The following RGS6 variants were observed in gnomAD, a reference collection of about 807,000 sequenced individuals.
RGS6 encodes regulator of G protein signaling 6, also known as regulator of G-protein signaling 6.
Under a neutral mutation model 78.5 loss-of-function variants are expected in RGS6, and 30 were observed. That is an observed-to-expected ratio of 0.38 (90% confidence interval 0.29 to 0.52). The LOEUF (loss-of-function observed/expected upper bound fraction) is 0.52. Among genes scored for constraint, RGS6 ranks in the 20% least tolerant of loss-of-function variants. RGS6 has a pLI of 0.85. For synonymous variants in RGS6, 206 were observed against 206.0 expected (o/e 1.00, Z 0.00); for missense variants, 495 against 609.7 (o/e 0.81, Z 1.98).
intron 2 of RGS6, among the ~76,000 whole-genome samples, chr14:72,016,844 T>C (rs1003098409): frequency 1.3e-5 from 2 of 152,240 alleles, no homozygotes; most frequent in Non-Finnish European, 1.5e-5. Context: ...TATTGGGCTT[T>C]TGTTGGAATT....
intron 2 of RGS6, among the ~76,000 whole-genome samples, chr14:72,289,541 A>G (rs939296684): frequency 3.9e-5 from 6 of 152,142 alleles, no homozygotes; most frequent in Admixed American, 2.0e-4. Context: ...TCCTCAGGAC[A>G]TTATTGTTGA....
At chr14:72,626,253 C>T in the RGS6 span, among the ~76,000 whole-genome samples, 34 of 152,202 alleles carry the variant, frequency 2.2e-4, no homozygotes, top group African/African-American at 7.2e-4. Flanking sequence ...TGTTGTTTCT[C>T]CCTTATCCCT....
the RGS6 span, among the ~76,000 whole-genome samples, chr14:72,625,482 T>C: frequency 6.6e-6 from 1 of 152,198 alleles, no homozygotes; most frequent in Non-Finnish European, 1.5e-5. Context: ...TCCAGGCTTA[T>C]CTGGCATATT....
chr14:72,188,311 G>C (rs1388336065), intron 2 of RGS6, among the ~76,000 whole-genome samples: 2 of 152,004 alleles, frequency 1.3e-5, no homozygotes, highest in Non-Finnish European at 2.9e-5. Flanking sequence ...CAGACACCTA[G>C]CCCTGTATCT....
At chr14:72,619,778 T>C in the RGS6 span, 1 of 948,182 alleles carries the variant, frequency 1.1e-6, no homozygotes, top group African/African-American at 1.7e-5. Context: ...TTGTGATGAT[T>C]AAATGAGACA....
intron 2 of RGS6, among the ~76,000 whole-genome samples, chr14:72,163,998 G>A (rs1416683376): frequency 6.6e-6 from 1 of 152,018 alleles, no homozygotes; most frequent in East Asian, 1.9e-4. Flanking sequence ...GCAAGAGGAA[G>A]GTATGCAAAG....
chr14:71,867,576 G>A, the RGS6 span, among the ~76,000 whole-genome samples: 1 of 152,144 alleles, frequency 6.6e-6, no homozygotes, highest in East Asian at 1.9e-4. Context: ...GGAAGGAGCT[G>A]GGCCTGGAGA....
At chr14:72,008,308 C>CAG (rs1184213694) in intron 2 of RGS6, among the ~76,000 whole-genome samples, 1 of 152,118 alleles carries the variant, frequency 6.6e-6, no homozygotes, top group Non-Finnish European at 1.5e-5. Flanking sequence ...TGTTGTATGT[C>CAG]AGAGACTACA....
intron 2 of RGS6, among the ~76,000 whole-genome samples, chr14:72,070,375 TCTAAGAG>T (rs1351288028): frequency 6.6e-6 from 1 of 152,230 alleles, no homozygotes; most frequent in Non-Finnish European, 1.5e-5. Context: ...GTTTTGGGAC[TCTAAGAG>T]CTGTATGAAC....
intron 3 of RGS6, among the ~76,000 whole-genome samples, chr14:72,395,401 C>A (rs2152966949): frequency 6.6e-6 from 1 of 152,172 alleles, no homozygotes; most frequent in South Asian, 2.1e-4. Context: ...AAAATGGAAT[C>A]ATACTCTAAT....
intron 2 of RGS6, among the ~76,000 whole-genome samples, chr14:72,198,046 C>T (rs1056971863): frequency 6.6e-6 from 1 of 152,070 alleles, no homozygotes; most frequent in Non-Finnish European, 1.5e-5. Context: ...AGAATAAGTA[C>T]TTGTTGTGTT....
chr14:72,394,638 T>C (rs1328469193), intron 3 of RGS6, among the ~76,000 whole-genome samples: 1 of 152,260 alleles, frequency 6.6e-6, no homozygotes, highest in Non-Finnish European at 1.5e-5. Context: ...CCAGACCTAA[T>C]GGTTATCTCC....
rs559862504 is a variant in RGS6, at chr14:72,529,725, G to A, written c.1279-6461G>A. On this transcript the variant is annotated intron_variant, in intron 15 of 17. Transcript: ENST00000553525. ...TACACAGATCTTTCCACTTTGATGAGGATCTTTCTGGTTGAGAGACCACCA... is the reference window on the plus strand; with the variant it reads ...TACACAGATCTTTCCACTTTGATGAAGATCTTTCTGGTTGAGAGACCACCA... Among the ~76,000 whole-genome samples, 13 of 152,284 alleles carry A rather than the reference G, an allele frequency of 8.5e-5. 1 individual carries two copies. In the South Asian group the frequency reaches 2.7e-3, roughly 32 times the overall value.
intron 2 of RGS6, among the ~76,000 whole-genome samples, chr14:72,067,741 A>G (rs1291538845): frequency 6.6e-6 from 1 of 152,226 alleles, no homozygotes; most frequent in Non-Finnish European, 1.5e-5. Flanking sequence ...GCGTACAGCT[A>G]GCTTGTAGGT....
intron 10 of RGS6, among the ~76,000 whole-genome samples, chr14:72,475,436 T>C (rs10135689): frequency 0.01 from 1,584 of 152,134 alleles, 28 homozygotes; most frequent in African/African-American, 0.037. Context: ...GTAATATTAA[T>C]TTCCAAAGAG....
chr14:72,458,907 A>C (rs1309211869), intron 5 of RGS6, among the ~76,000 whole-genome samples: 2 of 152,182 alleles, frequency 1.3e-5, no homozygotes, highest in Non-Finnish European at 2.9e-5. Flanking sequence ...CAACATGTGA[A>C]TTTGAGGAGG....
chr14:72,342,801 C>A (rs2239237), intron 2 of RGS6, among the ~76,000 whole-genome samples: 13,893 of 146,240 alleles, frequency 0.095, 915 homozygotes, highest in East Asian at 0.33. Flanking sequence ...CCAGAGAGAT[C>A]AAAAAAAATG....
intron 1 of RGS6, among the ~76,000 whole-genome samples, chr14:71,950,307 A>G (rs977602570): frequency 4.6e-5 from 7 of 152,160 alleles, no homozygotes; most frequent in Admixed American, 6.5e-5. Context: ...TTCCACAGAC[A>G]TGACAAAAAC....
At chr14:72,299,548 A>G (rs1035459459) in intron 2 of RGS6, among the ~76,000 whole-genome samples, 13 of 152,228 alleles carry the variant, frequency 8.5e-5, no homozygotes, top group African/African-American at 3.1e-4. Flanking sequence ...CTTCTGAGGA[A>G]CTGATGGACT....
Sources: gnomAD v4.1 joint callset for allele counts (sites outside exome capture counted in the v4.1 genomes callset) on GRCh38, gnomAD v4.1.1 for gene constraint, MANE v1.5 for transcripts, NCBI Gene and HGNC (gene_info 2026-07-23, HGNC 2026-07-21) for gene names.